Variants in TRAP1 observed in about 807,000 individuals in gnomAD.
TRAP1 encodes the protein heat shock protein 75 kDa, mitochondrial.
TRAP1 carries 102 observed loss-of-function variants against 89.1 expected under a neutral mutation model. That is an observed-to-expected ratio of 1.15 (90% confidence interval 0.98 to 1.35). TRAP1 has a LOEUF of 1.35. TRAP1 is among the 40% of genes most tolerant of loss of function. The pLI is 0.00. For missense variants in TRAP1, 1,256 were observed against 945.3 expected, an observed-to-expected ratio of 1.33 and a Z score of -4.31; for synonymous variants, 508 against 388.0, an observed-to-expected ratio of 1.31 and a Z score of -3.64.
At chr16:3,679,526 C>G (rs927399472) in intron 5 of TRAP1, among the ~76,000 whole-genome samples, 193 bp downstream of exon 5, 1 of 152,080 alleles carries the variant, frequency 6.6e-6, no homozygotes, top group Non-Finnish European at 1.5e-5. Flanking sequence ...TGAAACCAAC[C>G]CCTAGATACT....
intron 1 of TRAP1, among the ~76,000 whole-genome samples, chr16:3,716,899 G>A (rs745641034): frequency 2.6e-5 from 4 of 152,252 alleles, no homozygotes; most frequent in Admixed American, 6.5e-5. Flanking sequence ...GGCGTCCCCA[G>A]AACCTGCACG....
intron 15 of TRAP1, 85 bp downstream of exon 15, chr16:3,662,797 C>G: frequency 7.6e-7 from 1 of 1,318,010 alleles, no homozygotes; most frequent in Non-Finnish European, 1.1e-6. Context: ...GGACACCCAA[C>G]GGGCCAGGTA....
At chr16:3,663,068 C>T in intron 14 of TRAP1, 101 bp from the exon 15 acceptor site, 1 of 891,838 alleles carries the variant, frequency 1.1e-6, no homozygotes, top group East Asian at 2.7e-5. Context: ...TCCTCTCCCA[C>T]CAGGATGGAG....
chr16:3,664,494 G>C, intron 12 of TRAP1, 35 bp from the exon 13 acceptor site: 1 of 1,576,914 alleles, frequency 6.3e-7, no homozygotes, highest in Admixed American at 2.0e-5. Flanking sequence ...ACTTATTCCA[G>C]GCCCATGGGC....
At chr16:3,703,820 C>G (rs2051401880) in intron 1 of TRAP1, among the ~76,000 whole-genome samples, 1 of 149,808 alleles carries the variant, frequency 6.7e-6, no homozygotes, top group African/African-American at 2.5e-5. Flanking sequence ...TCAAGATCAT[C>G]CTGGCTAACA....
At chr16:3,717,280 C>A in intron 1 of TRAP1, 141 bp downstream of exon 1, 1 of 355,916 alleles carries the variant, frequency 2.8e-6, no homozygotes, top group Non-Finnish European at 5.0e-6. Flanking sequence ...CGAAAGTAAA[C>A]GCGTCTGCCG....
At chr16:3,667,977 G>A (rs2151247409) in intron 11 of TRAP1, among the ~76,000 whole-genome samples, 1 of 148,290 alleles carries the variant, frequency 6.7e-6, no homozygotes, top group South Asian at 2.2e-4. Context: ...CGCCCAGGCT[G>A]GAGTGCAGTG....
intron 12 of TRAP1, 89 bp from the exon 13 acceptor site, chr16:3,664,548 T>TGGC (rs2050782712): frequency 7.3e-7 from 1 of 1,372,788 alleles, no homozygotes. Context: ...CCGATGCCCA[T>TGGC]GGCCTCCTGG....
chr16:3,665,307 A>C (rs1349286896), intron 12 of TRAP1: 1 of 152,224 alleles, frequency 6.6e-6, no homozygotes, highest in Non-Finnish European at 1.5e-5. Flanking sequence ...CCAGCACGGG[A>C]TGGGCTCCTG....
intron 16 of TRAP1, chr16:3,659,509 A>ATAT (rs1396215535): frequency 6.6e-6 from 1 of 152,206 alleles, no homozygotes; most frequent in East Asian, 1.9e-4. Context: ...AATGATTGAC[A>ATAT]TATTTGACGT....
At chr16:3,710,955 C>T (rs1168425101) in intron 1 of TRAP1, among the ~76,000 whole-genome samples, 1 of 147,784 alleles carries the variant, frequency 6.8e-6, no homozygotes, top group Non-Finnish European at 1.5e-5. Context: ...ACTGCAGCCT[C>T]GACTTCTCAA....
At chr16:3,663,042 G>A in intron 14 of TRAP1, 75 bp from the exon 15 acceptor site, 1 of 1,203,244 alleles carries the variant, frequency 8.3e-7, no homozygotes. Flanking sequence ...CACGCAGCAT[G>A]CTTCCAGCTC....
chr16:3,698,631 G>C (rs1036319731), intron 1 of TRAP1, among the ~76,000 whole-genome samples: 2 of 151,946 alleles, frequency 1.3e-5, no homozygotes, highest in Non-Finnish European at 2.9e-5. Context: ...ACTAACTCAG[G>C]TGCAGTGGCT....
rs1164838262 is a variant in TRAP1 at position 3,666,100 on chromosome 16, TA to T, written c.1253del (p.Leu418TyrfsTer5). 2 of 1,612,336 alleles carry T rather than the reference TA, an allele frequency of 1.2e-6. No homozygotes were observed. Among genetic ancestry groups the T allele is most frequent in the Non-Finnish European group, 1.7e-6 (2 of 1,179,538 alleles). On this transcript the variant is annotated frameshift_variant, in exon 12 of 18. Coordinates refer to ENST00000246957, the MANE Select transcript of TRAP1 (RefSeq NM_016292.3). LOFTEE classifies it high-confidence loss of function. Reference protein sequence around the residue: ...SALIRKLRDVLQQRLIKFFID... With the variant: ...SALIRKLRDVXQQRLIKFFID... ...TGAAGAATTTGATCAGCCTCTGCTG[TA>T]AAACGTCCCGGAGTTTCCTACAGAA...
chr16:3,675,126 C>T (rs1044755102), intron 8 of TRAP1, among the ~76,000 whole-genome samples, 198 bp downstream of exon 8: 1 of 152,154 alleles, frequency 6.6e-6, no homozygotes, highest in African/African-American at 2.4e-5. Flanking sequence ...CCCCTGACCC[C>T]GGCTGCCCGG....
In TRAP1 at chr16:3,658,830, G is replaced by T. The variant is rs1221499727; in HGVS notation, c.1976C>A (p.Ala659Glu). The change falls in exon 17 of 18, where the codon GCA becomes GAA. Residue 659 changes from alanine to glutamate, a missense_variant. Transcript: ENST00000246957. ...CAGCTGAGCCAGGCCAGGCTCGCTT[G>T]CGCGCAGCTGATTCAGCTTCTTGAT... ...ALIKKLNQLR[A>E]SEPGLAQLLV... 6.2e-7 allele frequency: 1 copy of T among 1,614,002 alleles called. No individual in the cohort carries two copies. The highest frequency in any genetic ancestry group is 2.2e-5 in the East Asian group (1 of 44,884).
intron 1 of TRAP1, among the ~76,000 whole-genome samples, chr16:3,693,031 C>A (rs1208749090): frequency 2.6e-5 from 4 of 152,022 alleles, no homozygotes; most frequent in Admixed American, 1.3e-4. Flanking sequence ...CGGCTCACTG[C>A]AACCTCCATC....
rs748751948 is a variant in TRAP1 at position 3,666,104 on chromosome 16, A to C, written c.1250T>G (p.Val417Gly). 2 of 1,612,262 alleles carry C rather than the reference A, an allele frequency of 1.2e-6. No individual in the cohort carries two copies. Among genetic ancestry groups the C allele is most frequent in the South Asian group, 2.2e-5 (2 of 90,738 alleles). The change falls in exon 12 of 18, where the codon GTT (valine) becomes GGT (glycine). Residue 417 changes from valine (V) to glycine (G), a missense_variant. Coordinates refer to ENST00000246957, the MANE Select transcript of TRAP1 (RefSeq NM_016292.3). ...GAATTTGATCAGCCTCTGCTGTAAA[A>C]CGTCCCGGAGTTTCCTACAGAAAAG... ...ESALIRKLRD[V>G]LQQRLIKFFI...
At chr16:3,661,889 C>G (rs141149147) in intron 16 of TRAP1, 98 bp downstream of exon 16, 1 of 1,426,812 alleles carries the variant, frequency 7.0e-7, no homozygotes, top group Non-Finnish European at 9.3e-7. Flanking sequence ...ACAGGCCTCA[C>G]GCACTTTTCT....
Sources: gnomAD v4.1 joint callset for allele counts (sites outside exome capture counted in the v4.1 genomes callset) on GRCh38, gnomAD v4.1.1 for gene constraint, MANE v1.5 for transcripts, NCBI Gene and HGNC (gene_info 2026-07-23, HGNC 2026-07-21) for gene names.